Variants in PTPN14 observed in about 807,000 individuals in gnomAD.
PTPN14 encodes the protein protein tyrosine phosphatase non-receptor type 14, also known as tyrosine-protein phosphatase non-receptor type 14.
In PTPN14, 53 loss-of-function variants were observed where a neutral mutation model predicts 126.8. That is an observed-to-expected ratio of 0.42 (90% CI 0.34 to 0.53). PTPN14 has a LOEUF of 0.53. PTPN14 is among the 20% of genes least tolerant of loss of function. The pLI is 0.08. For missense variants in PTPN14, 1,257 were observed against 1,552.9 expected (o/e 0.81, Z 3.20); for synonymous variants, 630 against 599.3 (o/e 1.05, Z -0.75).
In PTPN14 at chr1:214,527,774, T is replaced by C. The variant is rs552398009; in HGVS notation, c.-155+23409A>G. Among the ~76,000 whole-genome samples the C allele has an allele frequency of 3.3e-5, 5 of 152,284 alleles. No homozygotes were observed. The South Asian group carries it at 8.3e-4, about 25-fold the overall frequency. ...AAAATCTGTAAGGTGGTAGAGAAAG[T>C]AGGTAAGCTGAACTTGCAGCCTATC... On this transcript the variant is annotated intron_variant, in intron 1 of 18. Coordinates refer to ENST00000366956, the MANE Select transcript of PTPN14 (RefSeq NM_005401.5).
intron 1 of PTPN14, chr1:214,532,503 C>A: frequency 1.1e-6 from 1 of 914,480 alleles, no homozygotes; most frequent in Non-Finnish European, 1.8e-6. Flanking sequence ...GAACTGGAGG[C>A]TGGAGAGCAA....
At chr1:214,428,317 G>A (rs1381213503) in intron 3 of PTPN14, among the ~76,000 whole-genome samples, 1 of 152,222 alleles carries the variant, frequency 6.6e-6, no homozygotes, top group African/African-American at 2.4e-5. Context: ...AAACCTTTCA[G>A]ATAAAGACTT....
At chr1:214,437,033 T>C (rs1439957845) in intron 3 of PTPN14, among the ~76,000 whole-genome samples, 2 of 151,744 alleles carry the variant, frequency 1.3e-5, no homozygotes, top group African/African-American at 4.8e-5. Context: ...TTTACTTAAA[T>C]ATAGTGTACT....
chr1:214,489,837 T>G lies in PTPN14; in HGVS notation c.-154-24880A>C, dbSNP rs138495635. Reference sequence around the variant, plus strand: ...CTCTCTGGAGCTAGAGATGCCTGAATTCAAGTCCTGACTCCACCTCTTATC... The same window carrying G: ...CTCTCTGGAGCTAGAGATGCCTGAAGTCAAGTCCTGACTCCACCTCTTATC... On this transcript the variant is annotated intron_variant, in intron 1 of 18. Coordinates refer to ENST00000366956, the MANE Select transcript of PTPN14 (RefSeq NM_005401.5). 1.8e-3 allele frequency among the ~76,000 whole-genome samples: 268 copies of G among 152,320 alleles called. 1 individual carries two copies. The highest frequency in any genetic ancestry group is 6.2e-3 in the African/African-American group (257 of 41,570).
rs370373011 is a variant in PTPN14 at position 214,463,568 on chromosome 1, T to C, written c.174+1062A>G. Among the ~76,000 whole-genome samples, 12 of 152,166 alleles carry C rather than the reference T, an allele frequency of 7.9e-5. No individual in the cohort carries two copies. The East Asian group carries it at 1.7e-3, about 22-fold the overall frequency. On this transcript the variant is annotated intron_variant, in intron 2 of 18. Coordinates refer to ENST00000366956, the MANE Select transcript of PTPN14 (RefSeq NM_005401.5). ...ACAGCCAGCCTGTGGAAGACGTCTTTAGAAGGGACTTTCAGAGCAGGAAAG... is the reference window on the plus strand; with the variant it reads ...ACAGCCAGCCTGTGGAAGACGTCTTCAGAAGGGACTTTCAGAGCAGGAAAG...
chr1:214,462,039 T>A (rs146210828), intron 2 of PTPN14, among the ~76,000 whole-genome samples: 1 of 152,282 alleles, frequency 6.6e-6, no homozygotes, highest in Non-Finnish European at 1.5e-5. Flanking sequence ...ATCTGATCCT[T>A]TAATTCAGGA....
Position 214,464,851 on chromosome 1 carries a change from CCT to C in PTPN14, c.-50_-49del, listed in dbSNP as rs763790963. ...GCCCGCCTATCCTGGCGCACACGCC[CCT>C]GAGATGGCCTTAGCAGTTTCGTGAC... is the stretch of plus-strand genomic sequence containing the variant. On this transcript the variant is annotated 5_prime_UTR_variant, in exon 2 of 19. Transcript: ENST00000366956. 4 of 1,600,198 alleles carry C rather than the reference CCT, an allele frequency of 2.5e-6. No homozygotes were observed. Among genetic ancestry groups the C allele is most frequent in the Middle Eastern group, 1.7e-4 (1 of 6,002 alleles).
chr1:214,531,640 A>G (rs1655552697), intron 1 of PTPN14: 1 of 152,226 alleles, frequency 6.6e-6, no homozygotes, highest in Admixed American at 6.5e-5. Flanking sequence ...GAAGTCTCAG[A>G]GCCTTAAATG....
intron 1 of PTPN14, among the ~76,000 whole-genome samples, chr1:214,473,342 G>T (rs577565562): frequency 6.6e-6 from 1 of 152,292 alleles, no homozygotes; most frequent in East Asian, 1.9e-4. Context: ...GTCTTTTATT[G>T]AATTACCTGC....
intron 1 of PTPN14, among the ~76,000 whole-genome samples, chr1:214,515,443 G>C (rs1430454316): frequency 6.6e-6 from 1 of 151,458 alleles, no homozygotes; most frequent in Non-Finnish European, 1.5e-5. Context: ...GACTACTAAG[G>C]GTATATTGTA....
At chr1:214,388,320 A>G (rs550565682) in intron 11 of PTPN14, among the ~76,000 whole-genome samples, 1 of 152,314 alleles carries the variant, frequency 6.6e-6, no homozygotes, top group South Asian at 2.1e-4. Flanking sequence ...GTTTGAAATA[A>G]GAGTTTTGAT....
chr1:214,429,484 T>C (rs993918254), intron 3 of PTPN14, among the ~76,000 whole-genome samples: 1 of 152,216 alleles, frequency 6.6e-6, no homozygotes, highest in African/African-American at 2.4e-5. Flanking sequence ...GTAAAAACAT[T>C]GACAGTCATA....
chr1:214,541,074 G>C (rs1422753717), intron 1 of PTPN14, among the ~76,000 whole-genome samples: 1 of 151,952 alleles, frequency 6.6e-6, no homozygotes, highest in Non-Finnish European at 1.5e-5. Context: ...GTGAAAATAA[G>C]CAAACAGTAC....
Position 214,351,818 on chromosome 1 carries a change from A to G in PTPN14, c.*6104T>C, listed in dbSNP as rs1022865011. The G allele has an allele frequency of 2.6e-5, 4 of 152,250 alleles. No homozygotes were observed. The highest frequency in any genetic ancestry group is 4.8e-5 in the African/African-American group (2 of 41,470). The allele number at this position is 152,250 out of a possible 1,614,324, so 9.4% of individuals were successfully genotyped here. A position where few individuals can be genotyped will look rare whatever the true frequency, so the allele number is the denominator to read the frequency against. On this transcript the variant is annotated 3_prime_UTR_variant, in exon 19 of 19. Transcript: ENST00000366956. ...ACTTGGTGGTTTCCATCACTCTGAC[A>G]TTACAGAAAGGGAGGCAGGGAGTAG...
At chr1:214,422,245 A>C (rs995069290) in intron 3 of PTPN14, among the ~76,000 whole-genome samples, 3 of 152,172 alleles carry the variant, frequency 2.0e-5, no homozygotes, top group African/African-American at 7.2e-5. Flanking sequence ...TTCAGTGTGA[A>C]ATGTTTATTT....
intron 3 of PTPN14, among the ~76,000 whole-genome samples, chr1:214,423,410 CCA>C (rs1331911986): frequency 1.5e-4 from 23 of 152,274 alleles, no homozygotes; most frequent in African/African-American, 5.5e-4. Flanking sequence ...CTTCCGGTGA[CCA>C]CAGACTCTGT....
chr1:214,509,882 G>T (rs1416676573), intron 1 of PTPN14, among the ~76,000 whole-genome samples: 1 of 152,212 alleles, frequency 6.6e-6, no homozygotes, highest in East Asian at 1.9e-4. Context: ...GCAAACTATT[G>T]CAAGGACAGA....
chr1:214,457,136 T>C lies in PTPN14; in HGVS notation c.175-5162A>G, dbSNP rs557012942. Reference sequence around the variant, plus strand: ...TTTATGTGATAATAGGAAATGCATGTTAAGTTTCTTATCTTTATAATCTCT... The same window carrying C: ...TTTATGTGATAATAGGAAATGCATGCTAAGTTTCTTATCTTTATAATCTCT... On this transcript the variant is annotated intron_variant, in intron 2 of 18. Coordinates refer to ENST00000366956, the MANE Select transcript of PTPN14 (RefSeq NM_005401.5). Among the ~76,000 whole-genome samples the C allele has an allele frequency of 5.9e-5, 9 of 152,328 alleles. No homozygotes were observed. The South Asian group carries it at 1.9e-3, about 32-fold the overall frequency.
chr1:214,433,963 A>C (rs879391335), intron 3 of PTPN14, among the ~76,000 whole-genome samples: 9,781 of 77,930 alleles, frequency 0.13, 485 homozygotes, highest in Non-Finnish European at 0.21. Context: ...AAAAAAAAAA[A>C]AAAAAAAAAC....
Sources: gnomAD v4.1 joint callset for allele counts (sites outside exome capture counted in the v4.1 genomes callset) on GRCh38, gnomAD v4.1.1 for gene constraint, MANE v1.5 for transcripts, NCBI Gene and HGNC (gene_info 2026-07-23, HGNC 2026-07-21) for gene names.